The following XG variants were observed in gnomAD, a reference collection of about 807,000 sequenced individuals.
XG encodes the protein Xg glycoprotein (Xg blood group), also known as glycoprotein Xg.
A neutral mutation model predicts 25.7 loss-of-function variants in XG; 24 were observed. That is an observed-to-expected ratio of 0.93 (90% CI 0.68 to 1.31). The LOEUF (loss-of-function observed/expected upper bound fraction) is 1.31, where lower values mean the gene tolerates loss of function less well. XG is among the 40% of genes most tolerant of loss of function. The probability of loss-of-function intolerance (pLI) is 0.00; values close to 1 mark genes in which losing one functional copy is unlikely to be tolerated. For synonymous variants in XG, 77 were observed against 69.2 expected (o/e 1.11, Z -0.56); for missense variants, 181 against 187.6 (o/e 0.96, Z 0.21).
intron 2 of XG, among the ~76,000 whole-genome samples, chrX:2,771,062 C>T (rs2050807637): frequency 6.6e-6 from 1 of 152,008 alleles, no homozygotes. Flanking sequence ...CTATGTTGCC[C>T]AGGCTGGTCT....
At chrX:2,768,906 G>T (rs1319669053) in intron 1 of XG, among the ~76,000 whole-genome samples, 1 of 152,222 alleles carries the variant, frequency 6.6e-6, no homozygotes, top group Non-Finnish European at 1.5e-5. Flanking sequence ...TGAGAGGGAC[G>T]TGGGGGCTCC....
chrX:2,785,043 T>A (rs1362691679), intron 4 of XG, among the ~76,000 whole-genome samples: 1 of 112,013 alleles, frequency 8.9e-6, no homozygotes, highest in Non-Finnish European at 1.9e-5. Flanking sequence ...ACAGGAGATA[T>A]CAATCAATAT....
chrX:2,760,465 G>C (rs1306304768), intron 1 of XG, among the ~76,000 whole-genome samples: 30 of 151,718 alleles, frequency 2.0e-4, no homozygotes, highest in Admixed American at 1.5e-3. Context: ...GCTGGGTGCG[G>C]TGGCTCATGC....
At chrX:2,761,176 A>G (rs2050557686) in intron 1 of XG, among the ~76,000 whole-genome samples, 1 of 152,154 alleles carries the variant, frequency 6.6e-6, no homozygotes, top group South Asian at 2.1e-4. Flanking sequence ...GTCTTTAAAG[A>G]GGTGAGAAGG....
At chrX:2,758,952 C>A (rs369479462) in intron 1 of XG, among the ~76,000 whole-genome samples, 3 of 28,484 alleles carry the variant, frequency 1.1e-4, no homozygotes, top group Non-Finnish European at 2.9e-4. Flanking sequence ...TATTATCTAT[C>A]TATTTATCTA....
chrX:2,770,812 T>C (rs989412371), intron 2 of XG, among the ~76,000 whole-genome samples: 2 of 152,052 alleles, frequency 1.3e-5, no homozygotes, highest in African/African-American at 4.8e-5. Flanking sequence ...TCTAAACCTG[T>C]GGTTTAGGAA....
intron 1 of XG, among the ~76,000 whole-genome samples, chrX:2,766,285 C>T (rs1461774978): frequency 1.3e-5 from 2 of 152,136 alleles, no homozygotes; most frequent in Admixed American, 1.3e-4. Context: ...GGATTACAGG[C>T]ACGCACCACC....
intron 3 of XG, among the ~76,000 whole-genome samples, chrX:2,780,188 A>G (rs1451997077): frequency 6.6e-6 from 1 of 151,670 alleles, no homozygotes; most frequent in Admixed American, 6.6e-5. Flanking sequence ...TGGTGAAAAA[A>G]AGAAAAGAAA....
At chrX:2,768,593 C>T (rs2050749786) in intron 1 of XG, among the ~76,000 whole-genome samples, 1 of 152,078 alleles carries the variant, frequency 6.6e-6, no homozygotes, top group South Asian at 2.1e-4. Context: ...CATGGTGAAA[C>T]CCTGTCTCTA....
intron 6 of XG, 136 bp downstream of exon 6, chrX:2,794,739 G>T (rs2086868415): frequency 4.1e-6 from 3 of 736,316 alleles, no homozygotes; most frequent in Non-Finnish European, 5.8e-6. Context: ...TGGTGCAGGG[G>T]ATGACAGAGA....
rs907313922 is a variant in XG at position 2,814,600 on chromosome X, A to G, written c.*220A>G. The G allele has an allele frequency of 2.5e-6, 1 of 404,203 alleles. No homozygotes were observed. The highest frequency in any genetic ancestry group is 4.1e-6 in the Non-Finnish European group (1 of 244,827). The allele number at this position is 404,203 out of a possible 1,213,427, so 33.3% of individuals were successfully genotyped here. A position where few individuals can be genotyped will look rare whatever the true frequency, so the allele number is the denominator to read the frequency against. The stretch of plus-strand genomic sequence containing the variant: ...TAGGCAGCTAGACCCTGCGTTCTAA[A>G]AAAGGATTGCTTGCAATGTTGGTTT... On this transcript the variant is annotated 3_prime_UTR_variant, in exon 11 of 11. Coordinates refer to ENST00000644266, the MANE Select transcript of XG (RefSeq NM_001141919.2).
At chrX:2,770,520 G>A in intron 1 of XG, 30 bp from the exon 2 acceptor site, 1 of 1,613,764 alleles carries the variant, frequency 6.2e-7, no homozygotes, top group South Asian at 1.1e-5. Flanking sequence ...TCCATCATGG[G>A]GTGACTTATG....
At chrX:2,807,727 G>A (rs1401021965) in intron 8 of XG, among the ~76,000 whole-genome samples, 1 of 112,490 alleles carries the variant, frequency 8.9e-6, no homozygotes, top group Non-Finnish European at 1.9e-5. Context: ...GCATGTGTGT[G>A]TGCACGTGTG....
chrX:2,785,203 G>A (rs2086772473), intron 4 of XG, among the ~76,000 whole-genome samples: 1 of 111,770 alleles, frequency 8.9e-6, no homozygotes, highest in Non-Finnish European at 1.9e-5. Flanking sequence ...GTGAGACAGG[G>A]CAAAGGAATA....
At chrX:2,776,533 G>A (rs2050995991) in intron 3 of XG, among the ~76,000 whole-genome samples, 1 of 152,066 alleles carries the variant, frequency 6.6e-6, no homozygotes, top group South Asian at 2.1e-4. Flanking sequence ...GCCAGTGAAA[G>A]AGCCAAGGTG....
At chrX:2,813,179 C>G (rs1371328460) in intron 10 of XG, among the ~76,000 whole-genome samples, 2 of 109,944 alleles carry the variant, frequency 1.8e-5, no homozygotes, top group African/African-American at 6.6e-5. Flanking sequence ...CATTGTACTT[C>G]GATGATACCC....
chrX:2,795,571 T>C (rs950608879), intron 6 of XG, among the ~76,000 whole-genome samples: 3 of 110,474 alleles, frequency 2.7e-5, no homozygotes, highest in Non-Finnish European at 5.7e-5. Flanking sequence ...ATGTGTTATG[T>C]ATGTACACAC....
chrX:2,799,251 C>T (rs949372297), intron 7 of XG, among the ~76,000 whole-genome samples: 2 of 111,347 alleles, frequency 1.8e-5, no homozygotes, highest in African/African-American at 3.3e-5. Flanking sequence ...CCACCCTCTG[C>T]CCTCAAGTAG....
chrX:2,760,579 CAAA>C (rs1164434566), intron 1 of XG, among the ~76,000 whole-genome samples: 1 of 116,876 alleles, frequency 8.6e-6, no homozygotes, highest in Non-Finnish European at 1.9e-5. Context: ...ACTAAAAATA[CAAA>C]AAAAAAAAAA....
Sources: gnomAD v4.1 joint callset for allele counts (sites outside exome capture counted in the v4.1 genomes callset) on GRCh38, gnomAD v4.1.1 for gene constraint, MANE v1.5 for transcripts, NCBI Gene and HGNC (gene_info 2026-07-23, HGNC 2026-07-21) for gene names.